The following FYCO1 variants were observed in gnomAD, a reference collection of about 807,000 sequenced individuals.
The protein encoded by FYCO1 is FYVE and coiled-coil domain-containing protein 1.
In FYCO1, 122 loss-of-function variants were observed where a neutral mutation model predicts 165.1. The observed-to-expected ratio is 0.74, with a 90% confidence interval of 0.64 to 0.86. The LOEUF is 0.86. Ranked by LOEUF, FYCO1 falls within the 40% of genes least tolerant of loss-of-function variation. The pLI, the probability that FYCO1 is intolerant of heterozygous loss-of-function variation, is 0.00. For missense variants in FYCO1, 1,702 were observed against 1,810.3 expected, an observed-to-expected ratio of 0.94 and a Z score of 1.09; for synonymous variants, 648 against 742.5, an observed-to-expected ratio of 0.87 and a Z score of 2.07.
At chr3:45,922,066 C>A (rs888608487) in intron 17 of FYCO1, among the ~76,000 whole-genome samples, 1 of 152,178 alleles carries the variant, frequency 6.6e-6, no homozygotes, top group Non-Finnish European at 1.5e-5. Flanking sequence ...TGCAGAAATG[C>A]CCTTTTGATC....
intron 4 of FYCO1, among the ~76,000 whole-genome samples, chr3:45,978,699 G>A (rs1706887925): frequency 6.6e-6 from 1 of 152,162 alleles, no homozygotes; most frequent in Non-Finnish European, 1.5e-5. Context: ...CTCAAATCAA[G>A]GGGTTTACCT....
rs1052787885 is a variant in FYCO1, at chr3:45,920,450, T to C, written c.*1315A>G. 7.9e-5 allele frequency: 12 copies of C among 152,146 alleles called. No individual in the cohort carries two copies. Among genetic ancestry groups the C allele is most frequent in the African/African-American group, 2.2e-4 (9 of 41,414 alleles). 9.4% of individuals were successfully genotyped at this position (152,146 alleles called of 1,614,324 possible). A position where few individuals can be genotyped will look rare whatever the true frequency, so the allele number is the denominator to read the frequency against. On this transcript the variant is annotated 3_prime_UTR_variant, in exon 18 of 18. Transcript: ENST00000296137. Reference sequence around the variant, plus strand: ...TTTTGTCAGATGCTCTGTTCACCCATGGAAGAACCTGGGGCCTGACTGCAG... The same window carrying C: ...TTTTGTCAGATGCTCTGTTCACCCACGGAAGAACCTGGGGCCTGACTGCAG...
Position 45,921,780 on chromosome 3 carries a change from T to C in FYCO1, c.4422A>G (p.Gly1474=), listed in dbSNP as rs751385851. The change falls in exon 18 of 18, where the codon GGA becomes GGG. Residue 1474 remains glycine, a synonymous_variant. Transcript: ENST00000296137. ...LTVDRPVIYD[G]SDFL The stretch of plus-strand genomic sequence containing the variant: ...GGTGCTGAAGCTACAGGAAATCACT[T>C]CCATCGTAGATCACAGGCCGATCAA... 1.6e-5 allele frequency: 26 copies of C among 1,610,064 alleles called. No individual in the cohort carries two copies. In the East Asian group the frequency reaches 5.6e-4, roughly 35 times the overall value.
At chr3:45,987,402 T>TA (rs1026132011) in intron 1 of FYCO1, among the ~76,000 whole-genome samples, 33 of 146,372 alleles carry the variant, frequency 2.3e-4, no homozygotes, top group African/African-American at 5.5e-4. Context: ...GATGAATTTA[T>TA]AAAAAAAAAT....
chr3:45,968,335 G>A lies in FYCO1; in HGVS notation c.999C>T (p.Tyr333=), dbSNP rs754044655. ...ACTCCAGCCGCCGCAGGGCTGTGTG[G>A]TAGTCCTCCTCCTTCTCTGCTGCTC... The part of the protein sequence containing the change: ...ELGAAEKEED[Y]HTALRRLESM... The change falls in exon 8 of 18, where the codon TAC becomes TAT. Residue 333 remains tyrosine, a synonymous_variant. Coordinates refer to ENST00000296137, the MANE Select transcript of FYCO1 (RefSeq NM_024513.4). 2.5e-6 allele frequency: 4 copies of A among 1,613,692 alleles called. No individual in the cohort carries two copies. Among genetic ancestry groups the A allele is most frequent in the Admixed American group, 3.3e-5 (2 of 60,026 alleles).
At chr3:45,951,743 T>C (rs1233030145) in intron 14 of FYCO1, among the ~76,000 whole-genome samples, 1 of 152,202 alleles carries the variant, frequency 6.6e-6, no homozygotes, top group Non-Finnish European at 1.5e-5. Flanking sequence ...GGTCCTGCTC[T>C]GCACCACCAT....
chr3:45,981,616 C>T lies in FYCO1; in HGVS notation c.116G>A (p.Ser39Asn). The T allele has an allele frequency of 1.2e-6, 2 of 1,613,906 alleles. No individual in the cohort carries two copies. Among genetic ancestry groups the T allele is most frequent in the Non-Finnish European group, 1.7e-6 (2 of 1,179,762 alleles). Residue 39 changes from serine (S) to asparagine (N), a missense_variant, in exon 3 of 18, where the codon AGC (serine) becomes AAC (asparagine). Physicochemically the swap from Ser to Asn is conservative, Grantham distance 46. Coordinates refer to ENST00000296137, the MANE Select transcript of FYCO1 (RefSeq NM_024513.4). Reference protein sequence around the residue: ...QEAGEPITDDSTSLHKFSYKL... With the variant: ...QEAGEPITDDNTSLHKFSYKL... ...ATAAGAAAATTTATGCAAGCTGGTG[C>T]TGTCATCCGTGATGGGTTCCCCTGC...
chr3:45,947,475 C>A, intron 14 of FYCO1: 3 of 1,613,904 alleles, frequency 1.9e-6, no homozygotes, highest in Non-Finnish European at 2.5e-6. Context: ...TTCTGCCTCC[C>A]ACAATGTGGA....
chr3:45,928,645 C>T (rs550042608), intron 16 of FYCO1, among the ~76,000 whole-genome samples: 21 of 152,264 alleles, frequency 1.4e-4, no homozygotes, highest in Non-Finnish European at 2.6e-4. Flanking sequence ...CCCACAGGTC[C>T]CTCGCCTCAC....
chr3:45,979,946 T>G (rs1706965160), intron 3 of FYCO1, 116 bp from the exon 4 acceptor site: 1 of 1,269,324 alleles, frequency 7.9e-7, no homozygotes, highest in African/African-American at 1.5e-5. Context: ...TGAGGCCCTT[T>G]ATTGGCATTA....
chr3:45,970,922 A>C (rs1706408851), intron 6 of FYCO1, among the ~76,000 whole-genome samples: 1 of 151,968 alleles, frequency 6.6e-6, no homozygotes, highest in African/African-American at 2.4e-5. Context: ...ACAAATACAC[A>C]ATTAATAATG....
chr3:45,965,912 G>A (rs912757359), intron 8 of FYCO1, among the ~76,000 whole-genome samples: 1 of 152,224 alleles, frequency 6.6e-6, no homozygotes, highest in Non-Finnish European at 1.5e-5. Flanking sequence ...GCTGCCACAG[G>A]GCGGGGGCAA....
chr3:45,966,408 G>A lies in FYCO1; in HGVS notation c.2926C>T (p.Pro976Ser). The A allele has an allele frequency of 1.2e-6, 2 of 1,613,454 alleles. No homozygotes were observed. Among genetic ancestry groups the A allele is most frequent in the Admixed American group, 3.3e-5 (2 of 60,004 alleles). Residue 976 changes from proline to serine, a missense_variant, in exon 8 of 18, where the codon CCT becomes TCT. Coordinates refer to ENST00000296137, the MANE Select transcript of FYCO1 (RefSeq NM_024513.4). ...KAAKAAAGSL[P>S]GLQAQLAQAE... ...TGGGCGAGCTGGGCCTGCAGGCCAG[G>A]CAGTGAGCCGGCTGCTGCCTTGGCC...
At chr3:45,965,177 G>A (rs761088324) in intron 8 of FYCO1, 52 bp from the exon 9 acceptor site, 26 of 1,401,420 alleles carry the variant, frequency 1.9e-5, no homozygotes, top group Middle Eastern at 3.5e-4. Flanking sequence ...CTTGCTCTGA[G>A]GATCCCTCAG....
rs1706039109 is a variant in FYCO1 at position 45,966,672 on chromosome 3, G to A, written c.2662C>T (p.Gln888Ter). The change falls in exon 8 of 18, where the codon CAG (glutamine) becomes TAG (stop). Residue 888 changes from glutamine (Q) to a stop codon, truncating the protein, a stop_gained. Transcript: ENST00000296137. LOFTEE classifies it high-confidence loss of function. Reference sequence around the variant, plus strand: ...TCTTGCAGCTCAGCGTGCTCCAGCTGTGCTTCCTCGGAGCTGCATTTGGCC... The same window carrying A: ...TCTTGCAGCTCAGCGTGCTCCAGCTATGCTTCCTCGGAGCTGCATTTGGCC... ...SQAKCSSEEA[Q>*]LEHAELQEQL... The A allele has an allele frequency of 6.2e-7, 1 of 1,614,050 alleles. No individual in the cohort carries two copies. The highest frequency in any genetic ancestry group is 8.5e-7 in the Non-Finnish European group (1 of 1,180,022).
Position 45,962,071 on chromosome 3 carries a change from G to T in FYCO1, c.3437+154C>A, listed in dbSNP as rs941112662. ...CTGGAGTTTGGGACTCTAGTACTGG[G>T]GAAAGTGAGATGGAGAAGGAGAGAG... On this transcript the variant is annotated intron_variant, in intron 11 of 17. Transcript: ENST00000296137. The surrounding 1 kb of genome is among the most constrained non-coding windows in gnomAD (Gnocchi z 4.4). Among the ~76,000 whole-genome samples the T allele has an allele frequency of 6.6e-6, 1 of 152,078 alleles. No homozygotes were observed. The highest frequency in any genetic ancestry group is 1.5e-5 in the Non-Finnish European group (1 of 67,990).
At chr3:45,972,686 T>C (rs1309575504) in intron 6 of FYCO1, among the ~76,000 whole-genome samples, 1 of 152,198 alleles carries the variant, frequency 6.6e-6, no homozygotes. Context: ...CAGCAACCTT[T>C]CCTGCAACCC....
chr3:45,965,201 A>G, intron 8 of FYCO1, 76 bp from the exon 9 acceptor site: 4 of 1,115,324 alleles, frequency 3.6e-6, no homozygotes, highest in Non-Finnish European at 5.4e-6. Context: ...CCTCACCCAA[A>G]CAGATAAAAC....
intron 15 of FYCO1, among the ~76,000 whole-genome samples, chr3:45,932,792 T>C (rs1483682489): frequency 6.6e-6 from 1 of 152,232 alleles, no homozygotes; most frequent in Non-Finnish European, 1.5e-5. Flanking sequence ...TACTTCTCCA[T>C]GTGTTAAATT....
Sources: allele counts gnomAD v4.1 joint callset (sites outside exome capture counted in the v4.1 genomes callset), GRCh38; gene constraint gnomAD v4.1.1; non-coding constraint Gnocchi (gnomAD v3.1); transcripts MANE v1.5; gene names NCBI Gene and HGNC (gene_info 2026-07-23, HGNC 2026-07-21).